Variants in PPP1R9A observed in about 807,000 individuals in gnomAD.
The protein encoded by PPP1R9A is protein phosphatase 1 regulatory subunit 9A.
Under a neutral mutation model 141.9 loss-of-function variants are expected in PPP1R9A, and 59 were observed. That is an observed-to-expected ratio of 0.42 (90% CI 0.34 to 0.52). PPP1R9A has a LOEUF of 0.52. PPP1R9A is among the 20% of genes least tolerant of loss of function. The pLI, the probability that PPP1R9A is intolerant of heterozygous loss-of-function variation, is 0.10. For missense variants in PPP1R9A, 1,444 were observed against 1,611.9 expected, an observed-to-expected ratio of 0.90 and a Z score of 1.78; for synonymous variants, 500 against 569.7, an observed-to-expected ratio of 0.88 and a Z score of 1.74.
chr7:95,050,024 G>A (rs1810570025), intron 2 of PPP1R9A, among the ~76,000 whole-genome samples: 1 of 152,196 alleles, frequency 6.6e-6, no homozygotes, highest in Non-Finnish European at 1.5e-5. Context: ...ATACCAAGGA[G>A]TGTGATTGCT....
intron 2 of PPP1R9A, among the ~76,000 whole-genome samples, chr7:94,994,762 T>TG (rs1206867131): frequency 1.3e-5 from 2 of 151,706 alleles, no homozygotes; most frequent in Non-Finnish European, 2.9e-5. Flanking sequence ...GGCATGGTGG[T>TG]GTGCACCTGT....
chr7:95,024,734 TG>T (rs756877021), intron 2 of PPP1R9A, among the ~76,000 whole-genome samples: 16 of 152,208 alleles, frequency 1.1e-4, no homozygotes, highest in Non-Finnish European at 8.8e-5. Flanking sequence ...TTATCCAATT[TG>T]CCAGTCTGTG....
rs145211475 is a variant in PPP1R9A at position 95,150,259 on chromosome 7, A to G, written c.1650-11608A>G. Among the ~76,000 whole-genome samples the G allele has an allele frequency of 4.7e-4, 72 of 152,220 alleles. 2 individuals are homozygous for G. In the East Asian group the frequency reaches 0.014, roughly 29 times the overall value. On this transcript the variant is annotated intron_variant, in intron 4 of 19. Transcript: ENST00000433360. ...TAAAATGCAAAAGCAAAACTCCTAA[A>G]TGACAACACAGAATATCTAGGTAAG...
chr7:94,984,113 G>A (rs1042816749), intron 2 of PPP1R9A, among the ~76,000 whole-genome samples: 2 of 152,136 alleles, frequency 1.3e-5, no homozygotes, highest in East Asian at 1.9e-4. Flanking sequence ...CTTTGGTTCT[G>A]TTTACATGCT....
In PPP1R9A at chr7:95,288,630, G is replaced by T. The variant is rs751735534; in HGVS notation, c.3824G>T (p.Ser1275Ile). 6.2e-7 allele frequency: 1 copy of T among 1,614,086 alleles called. No homozygotes were observed. Among genetic ancestry groups the T allele is most frequent in the Non-Finnish European group, 8.5e-7 (1 of 1,180,012 alleles). Residue 1275 changes from serine to isoleucine, a missense_variant, in exon 19 of 20, where the codon AGC becomes ATC. Physicochemically the swap from Ser to Ile is moderately radical, Grantham distance 142. Transcript: ENST00000433360. ...SVQQVSHWLM[S>I]LNLEQYVSEF... ...CAGCAGGTTTCTCACTGGTTAATGA[G>T]CCTAAATCTGGAGCAGTATGTATCT...
intron 4 of PPP1R9A, among the ~76,000 whole-genome samples, chr7:95,124,141 A>G (rs1823128521): frequency 6.6e-6 from 1 of 152,150 alleles, no homozygotes; most frequent in African/African-American, 2.4e-5. Context: ...TTAAATTATT[A>G]TTTCCACCAC....
chr7:95,113,478 T>A (rs1423464209), intron 3 of PPP1R9A, among the ~76,000 whole-genome samples: 1 of 152,020 alleles, frequency 6.6e-6, no homozygotes, highest in East Asian at 1.9e-4. Context: ...TGGGAAAAAA[T>A]CCTAATATTC....
intron 2 of PPP1R9A, among the ~76,000 whole-genome samples, chr7:95,087,374 T>C (rs1816765954): frequency 6.6e-6 from 1 of 152,080 alleles, no homozygotes; most frequent in Non-Finnish European, 1.5e-5. Flanking sequence ...AATTGTAGCT[T>C]ACTAGAAGTA....
intron 5 of PPP1R9A, among the ~76,000 whole-genome samples, chr7:95,166,533 C>G (rs1563344086): frequency 6.6e-6 from 1 of 152,124 alleles, no homozygotes; most frequent in Admixed American, 6.5e-5. Context: ...ATTCTCCCAA[C>G]AAAGAAAAGT....
chr7:95,192,080 G>T (rs1050742088), intron 5 of PPP1R9A, among the ~76,000 whole-genome samples: 4 of 151,996 alleles, frequency 2.6e-5, no homozygotes, highest in African/African-American at 9.7e-5. Flanking sequence ...AGTGGCAACA[G>T]AAATTTTGGT....
chr7:95,060,019 C>T (rs1189107267), intron 2 of PPP1R9A, among the ~76,000 whole-genome samples: 3 of 152,156 alleles, frequency 2.0e-5, no homozygotes, highest in Non-Finnish European at 4.4e-5. Flanking sequence ...AACTTGGCAG[C>T]AGTCCTGGAA....
intron 4 of PPP1R9A, among the ~76,000 whole-genome samples, chr7:95,133,121 C>T (rs1312026774): frequency 2.0e-5 from 3 of 152,108 alleles, no homozygotes; most frequent in Non-Finnish European, 2.9e-5. Context: ...GAGCAGGTAG[C>T]CCTCTGTGAG....
At chr7:95,212,323 T>C (rs918633260) in intron 7 of PPP1R9A, among the ~76,000 whole-genome samples, 3 of 152,038 alleles carry the variant, frequency 2.0e-5, no homozygotes, top group African/African-American at 2.4e-5. Context: ...AGAAGTCTTT[T>C]CTTAAAAATA....
chr7:94,973,973 T>C (rs1323795206), intron 2 of PPP1R9A, among the ~76,000 whole-genome samples: 2 of 152,138 alleles, frequency 1.3e-5, no homozygotes, highest in Non-Finnish European at 2.9e-5. Flanking sequence ...CACTTCAGCC[T>C]CCCTAAGTGC....
At chr7:94,993,105 T>C (rs934737869) in intron 2 of PPP1R9A, among the ~76,000 whole-genome samples, 3 of 151,966 alleles carry the variant, frequency 2.0e-5, no homozygotes. Flanking sequence ...TTTTCTTTTT[T>C]GCATCTGGAT....
At chr7:94,914,242 A>G (rs537715171) in intron 2 of PPP1R9A, among the ~76,000 whole-genome samples, 2 of 152,120 alleles carry the variant, frequency 1.3e-5, no homozygotes, top group African/African-American at 2.4e-5. Flanking sequence ...AATTCCTAGC[A>G]CCTTTAGTTT....
chr7:95,059,400 T>A (rs1028592216), intron 2 of PPP1R9A, among the ~76,000 whole-genome samples: 1 of 152,174 alleles, frequency 6.6e-6, no homozygotes, highest in African/African-American at 2.4e-5. Flanking sequence ...TTTAGTCCTG[T>A]GAAAACCCCA....
At chr7:94,943,058 G>A (rs980663167) in intron 2 of PPP1R9A, among the ~76,000 whole-genome samples, 3 of 151,966 alleles carry the variant, frequency 2.0e-5, no homozygotes, top group Admixed American at 6.6e-5. Flanking sequence ...CATCATTCAT[G>A]GACTATTTAG....
chr7:95,181,852 T>A lies in PPP1R9A; in HGVS notation c.1755-16497T>A, dbSNP rs989079167. On this transcript the variant is annotated intron_variant, in intron 5 of 19. Transcript: ENST00000433360. ...TATGATAGAATACTACTCAACCATA[T>A]AAAGGAATGAATTAATGGCATTCAC... Among the ~76,000 whole-genome samples, 115 of 148,862 alleles carry A rather than the reference T, an allele frequency of 7.7e-4. 1 individual carries two copies. Among genetic ancestry groups the A allele is most frequent in the Middle Eastern group, 6.9e-3 (2 of 288 alleles).
Sources: allele counts gnomAD v4.1 joint callset (sites outside exome capture counted in the v4.1 genomes callset), GRCh38; gene constraint gnomAD v4.1.1; transcripts MANE v1.5; gene names NCBI Gene and HGNC (gene_info 2026-07-23, HGNC 2026-07-21).